The following RYK variants were observed in gnomAD, a reference collection of about 807,000 sequenced individuals.
The protein encoded by RYK is receptor like tyrosine kinase, also known as inactive tyrosine-protein kinase RYK.
A neutral mutation model predicts 70.2 loss-of-function variants in RYK; 21 were observed. That is an observed-to-expected ratio of 0.30 (90% CI 0.21 to 0.43). The LOEUF (loss-of-function observed/expected upper bound fraction) is 0.43. RYK is among the 20% of genes least tolerant of loss of function. The probability of loss-of-function intolerance (pLI) is 1.00; values close to 1 mark genes in which losing one functional copy is unlikely to be tolerated. For synonymous variants in RYK, 267 were observed against 278.0 expected (o/e 0.96, Z 0.39); for missense variants, 604 against 753.3 (o/e 0.80, Z 2.32).
intron 7 of RYK, among the ~76,000 whole-genome samples, chr3:134,194,443 C>T (rs1301481916): frequency 6.6e-6 from 1 of 152,100 alleles, no homozygotes; most frequent in Non-Finnish European, 1.5e-5. Flanking sequence ...GCAACATGTC[C>T]CAGGCTTATC....
intron 1 of RYK, among the ~76,000 whole-genome samples, chr3:134,234,974 C>A (rs1316416480): frequency 6.6e-6 from 1 of 152,028 alleles, no homozygotes; most frequent in African/African-American, 2.4e-5. Flanking sequence ...ATAATTAATA[C>A]ATCTATCAAG....
At chr3:134,168,023 CTCA>C (rs1189990905) in intron 13 of RYK, among the ~76,000 whole-genome samples, 1 of 152,166 alleles carries the variant, frequency 6.6e-6, no homozygotes, top group East Asian at 1.9e-4. Flanking sequence ...TGAAAAAATG[CTCA>C]TCATCACTGG....
In RYK at chr3:134,188,838, T is replaced by C. The variant is rs1348046824; in HGVS notation, c.1101A>G (p.Lys367=). The change falls in exon 9 of 15, where the codon AAA becomes AAG. Residue 367 remains lysine (K), a splice_region_variant and synonymous_variant. Transcript: ENST00000623711. ...AATACTATGGAAAAAAGATCCTACC[T>C]TTAACTGTTTTGACAAATGCTTGTT... ...KEKQAFVKTV[K]DQASEIQVTM... is the part of the protein sequence containing the mutation. 1.3e-6 allele frequency: 2 copies of C among 1,540,442 alleles called. No individual in the cohort carries two copies. Among genetic ancestry groups the C allele is most frequent in the South Asian group, 2.3e-5 (2 of 86,322 alleles).
chr3:134,190,483 A>G (rs2013609915), intron 8 of RYK, among the ~76,000 whole-genome samples: 1 of 152,216 alleles, frequency 6.6e-6, no homozygotes. Flanking sequence ...CCTACCAGCA[A>G]TGTAAAAGAG....
chr3:134,242,286 CAA>C (rs2015343108), intron 1 of RYK, among the ~76,000 whole-genome samples: 1 of 146,988 alleles, frequency 6.8e-6, no homozygotes, highest in South Asian at 2.1e-4. Flanking sequence ...GCCTGGGTGA[CAA>C]GAGCAAAACT....
rs147688267 is a variant in RYK, at chr3:134,248,683, C to T, written c.232+1740G>A. 4.2e-3 allele frequency among the ~76,000 whole-genome samples: 641 copies of T among 151,650 alleles called. 2 individuals are homozygous for T. The highest frequency in any genetic ancestry group is 0.015 in the African/African-American group (616 of 41,330). Reference sequence around the variant, plus strand: ...AATACAAAAAATAGCCAGAAGTGGTCGCTACTTGGGAGGCTGAGGCAGGTG... The same window carrying T: ...AATACAAAAAATAGCCAGAAGTGGTTGCTACTTGGGAGGCTGAGGCAGGTG... On this transcript the variant is annotated intron_variant, in intron 1 of 14. Transcript: ENST00000623711.
intron 9 of RYK, among the ~76,000 whole-genome samples, chr3:134,184,882 G>A (rs1304296204): frequency 2.8e-5 from 4 of 142,064 alleles, no homozygotes; most frequent in East Asian, 4.2e-4. Context: ...AACCCATAAC[G>A]AATTTTTACA....
chr3:134,192,666 A>G (rs1208670052), intron 7 of RYK, among the ~76,000 whole-genome samples: 1 of 152,172 alleles, frequency 6.6e-6, no homozygotes, highest in African/African-American at 2.4e-5. Context: ...TGTTAGAATA[A>G]AAGGAAAATC....
chr3:134,227,936 CTG>C (rs895347828), intron 1 of RYK, among the ~76,000 whole-genome samples: 1 of 152,146 alleles, frequency 6.6e-6, no homozygotes, highest in African/African-American at 2.4e-5. Context: ...GCCTCCCAAA[CTG>C]TTGGGATTAC....
At chr3:134,201,533 G>A (rs2014020431) in intron 6 of RYK, among the ~76,000 whole-genome samples, 1 of 151,944 alleles carries the variant, frequency 6.6e-6, no homozygotes. Flanking sequence ...GAGAGAGAGA[G>A]ACAGAGACAG....
At chr3:134,176,072 T>A in intron 11 of RYK, 33 bp from the exon 12 acceptor site, 5 of 1,247,808 alleles carry the variant, frequency 4.0e-6, no homozygotes, top group Non-Finnish European at 4.6e-6. Context: ...GGTTTGCAAA[T>A]AGCACACAAA....
At chr3:134,229,995 T>C (rs1266221902) in intron 1 of RYK, among the ~76,000 whole-genome samples, 1 of 152,204 alleles carries the variant, frequency 6.6e-6, no homozygotes, top group Non-Finnish European at 1.5e-5. Flanking sequence ...AAGTTAAACA[T>C]ACACCTATTC....
chr3:134,192,707 T>C (rs1310375628), intron 7 of RYK, among the ~76,000 whole-genome samples: 1 of 152,134 alleles, frequency 6.6e-6, no homozygotes, highest in Non-Finnish European at 1.5e-5. Context: ...TGGAATGGCA[T>C]CTCCAGATAA....
At chr3:134,195,826 G>A (rs1241558375) in intron 6 of RYK, among the ~76,000 whole-genome samples, 2 of 152,008 alleles carry the variant, frequency 1.3e-5, no homozygotes, top group Admixed American at 1.3e-4. Flanking sequence ...CGTGCCTGTA[G>A]TCCCAGTTAC....
In RYK at chr3:134,250,420, C is replaced by A; in HGVS notation, c.232+3G>T. Reference sequence around the variant, plus strand: ...CCGCCCCGGCCTCGGCGGCCCCACTCACCGATCAGCCGGCGCACCTCGTCC... The same window carrying A: ...CCGCCCCGGCCTCGGCGGCCCCACTAACCGATCAGCCGGCGCACCTCGTCC... On this transcript the variant is annotated splice_donor_region_variant and intron_variant, in intron 1 of 14. Coordinates refer to ENST00000623711, the MANE Select transcript of RYK (RefSeq NM_002958.4). 7.2e-7 allele frequency: 1 copy of A among 1,396,524 alleles called. No individual in the cohort carries two copies. The highest frequency in any genetic ancestry group is 9.3e-7 in the Non-Finnish European group (1 of 1,072,644). 86.5% of individuals were successfully genotyped at this position (1,396,524 alleles called of 1,614,324 possible). A position where few individuals can be genotyped will look rare whatever the true frequency, so the allele number is the denominator to read the frequency against.
chr3:134,250,520 G>GGCA lies in RYK; in HGVS notation c.132_134dup (p.Ala47dup), dbSNP rs759135793. On this transcript the variant is annotated inframe_insertion, in exon 1 of 15. Coordinates refer to ENST00000623711, the MANE Select transcript of RYK (RefSeq NM_002958.4). ...CCGGGGGCCGCGGGGCGGGGGCGGC[G>GGCA]GCAGCGCCAGGCGCGGGCAGCAGCG... is the stretch of plus-strand genomic sequence containing the variant. 10 of 1,216,876 alleles carry GGCA rather than the reference G, an allele frequency of 8.2e-6. No homozygotes were observed. The South Asian group carries it at 1.3e-4, about 16-fold the overall frequency. 75.4% of individuals were successfully genotyped at this position (1,216,876 alleles called of 1,614,324 possible).
chr3:134,222,386 G>C, intron 2 of RYK, 32 bp downstream of exon 2: 2 of 1,611,606 alleles, frequency 1.2e-6, no homozygotes, highest in Non-Finnish European at 1.7e-6. Flanking sequence ...GGGTGACCCT[G>C]TCATGATGTC....
At chr3:134,207,628 T>C (rs1330437894) in intron 4 of RYK, 103 bp from the exon 5 acceptor site, 11 of 699,930 alleles carry the variant, frequency 1.6e-5, no homozygotes, top group Non-Finnish European at 2.6e-5. Context: ...GCAACAGGTA[T>C]GTGTTGCGAG....
At chr3:134,241,356 A>G (rs935399083) in intron 1 of RYK, among the ~76,000 whole-genome samples, 3 of 151,958 alleles carry the variant, frequency 2.0e-5, no homozygotes, top group African/African-American at 7.3e-5. Context: ...TCTCAAAAAA[A>G]AAAAAAGAAA....
Sources: gnomAD v4.1 joint callset for allele counts (sites outside exome capture counted in the v4.1 genomes callset) on GRCh38, gnomAD v4.1.1 for gene constraint, MANE v1.5 for transcripts, NCBI Gene and HGNC (gene_info 2026-07-23, HGNC 2026-07-21) for gene names.